The following DNHD1 variants were observed in gnomAD, a reference collection of about 807,000 sequenced individuals.
DNHD1 encodes the protein dynein heavy chain domain-containing protein 1.
Under a neutral mutation model 458.1 loss-of-function variants are expected in DNHD1, and 383 were observed. The ratio of observed to expected loss-of-function variants is 0.84; its 90% CI spans 0.77 to 0.91. The LOEUF (loss-of-function observed/expected upper bound fraction) is 0.91, where lower values mean the gene tolerates loss of function less well. DNHD1 is among the 40% of genes least tolerant of loss of function. The pLI is 0.00. For missense variants in DNHD1, 5,336 were observed against 5,866.1 expected (o/e 0.91, Z 2.95); for synonymous variants, 2,203 against 2,376.9 (o/e 0.93, Z 2.13).
At chr11:6,561,697 T>G (rs1274914553) in intron 28 of DNHD1, among the ~76,000 whole-genome samples, 1 of 152,208 alleles carries the variant, frequency 6.6e-6, no homozygotes, top group African/African-American at 2.4e-5. Context: ...ACTAACTGTA[T>G]AAACAAATGA....
chr11:6,567,171 G>T lies in DNHD1; in HGVS notation c.11662G>T (p.Ala3888Ser). 1.9e-6 allele frequency: 3 copies of T among 1,614,036 alleles called. No homozygotes were observed. Among genetic ancestry groups the T allele is most frequent in the Non-Finnish European group, 2.5e-6 (3 of 1,179,894 alleles). Residue 3888 changes from alanine to serine, a missense_variant, in exon 36 of 43, where the codon GCT becomes TCT. By Grantham distance (99) the Ala-to-Ser change is moderately conservative (BLOSUM62 1). Transcript: ENST00000254579. ...PENWLAVTKQ[A>S]LDSMKPREIN... ...GAACTGGCTGGCAGTCACTAAGCAGGCTCTGGACAGCATGAAGCCACGTGA... is the reference window on the plus strand; with the variant it reads ...GAACTGGCTGGCAGTCACTAAGCAGTCTCTGGACAGCATGAAGCCACGTGA...
In DNHD1 at chr11:6,547,961, A is replaced by T; in HGVS notation, c.6826A>T (p.Lys2276Ter). 1 of 1,551,834 alleles carries T rather than the reference A, an allele frequency of 6.4e-7. No individual in the cohort carries two copies. Among genetic ancestry groups the T allele is most frequent in the Non-Finnish European group, 8.7e-7 (1 of 1,147,024 alleles). Residue 2276 changes from lysine (K) to a stop codon, truncating the protein, a stop_gained, in exon 22 of 43, where the codon AAG (lysine) becomes TAG (stop). Coordinates refer to ENST00000254579, the MANE Select transcript of DNHD1 (RefSeq NM_144666.3). LOFTEE classifies it high-confidence loss of function. Reference protein sequence around the residue: ...SQVDSDDVPDKCREHLLAVSS... With the variant: ...SQVDSDDVPD ...GGTTGACAGTGACGATGTGCCAGATAAGTGCAGGGAACACTTGCTGGCTGT... is the reference window on the plus strand; with the variant it reads ...GGTTGACAGTGACGATGTGCCAGATTAGTGCAGGGAACACTTGCTGGCTGT...
rs1374337123 is a variant in DNHD1, at chr11:6,517,305, T to C, written c.1393-2295T>C. 2.6e-5 allele frequency among the ~76,000 whole-genome samples: 4 copies of C among 152,242 alleles called. No individual in the cohort carries two copies. In the East Asian group the frequency reaches 5.8e-4, roughly 22 times the overall value. ...AGATTCCCAGAACTTGTTCATCTTA[T>C]AACTAAAAGTTTGAACCCTTTGAAT... On this transcript the variant is annotated intron_variant, in intron 7 of 42. Coordinates refer to ENST00000254579, the MANE Select transcript of DNHD1 (RefSeq NM_144666.3).
At chr11:6,510,249 A>C (rs1028047216) in intron 6 of DNHD1, among the ~76,000 whole-genome samples, 6 of 150,776 alleles carry the variant, frequency 4.0e-5, no homozygotes. Flanking sequence ...ACACCCGGCT[A>C]ATTTTTTTTA....
intron 14 of DNHD1, among the ~76,000 whole-genome samples, chr11:6,534,877 G>A (rs920547804): frequency 1.3e-5 from 2 of 152,214 alleles, no homozygotes; most frequent in African/African-American, 4.8e-5. Flanking sequence ...CTCCTGAGTA[G>A]CTGGGACTAC....
rs1011876330 is a variant in DNHD1 at position 6,498,212 on chromosome 11, C to T, written c.-4C>T. ...TTCGACAGCAGTTGAATGCCCAGCT[C>T]CTCATGGTCCCGGAGGAGAGGAGGG... On this transcript the variant is annotated 5_prime_UTR_variant, in exon 3 of 43. Transcript: ENST00000254579. 2.5e-6 allele frequency: 4 copies of T among 1,606,416 alleles called. No individual in the cohort carries two copies. Among genetic ancestry groups the T allele is most frequent in the African/African-American group, 1.3e-5 (1 of 74,814 alleles).
chr11:6,538,383 A>G lies in DNHD1; in HGVS notation c.2999A>G (p.Glu1000Gly), dbSNP rs755098099. The change falls in exon 15 of 43, where the codon GAG becomes GGG. Residue 1000 changes from glutamate (E) to glycine (G), a missense_variant and splice_region_variant. Glu to Gly is a moderately conservative substitution (Grantham distance 98). Coordinates refer to ENST00000254579, the MANE Select transcript of DNHD1 (RefSeq NM_144666.3). ...GTCTCAAGTCAGCCCTCCCCCACAG[A>G]GGATGAGACTCCTGTGCCCTTGCCA... Reference protein sequence around the residue: ...ELHHAYAIFTEDETPVPLPIC... With the variant: ...ELHHAYAIFTGDETPVPLPIC... 6.4e-7 allele frequency: 1 copy of G among 1,551,694 alleles called. No individual in the cohort carries two copies. Among genetic ancestry groups the G allele is most frequent in the South Asian group, 1.2e-5 (1 of 84,058 alleles).
chr11:6,557,467 T>C lies in DNHD1; in HGVS notation c.8172T>C (p.Asn2724=), dbSNP rs1361210856. The change falls in exon 25 of 43, where the codon AAT becomes AAC. Residue 2724 remains asparagine, a synonymous_variant. Transcript: ENST00000254579. ...AGTGGGAGGACTTCAGCAACAGCAA[T>C]AGTGAAACAGAGGAGGAAGAGGAAC... ...LAQWEDFSNS[N]SETEEEEEPY... The C allele has an allele frequency of 2.6e-6, 4 of 1,551,548 alleles. No individual in the cohort carries two copies. The highest frequency in any genetic ancestry group is 3.5e-6 in the Non-Finnish European group (4 of 1,147,000).
chr11:6,551,849 G>GTTGATCCCTTGAGGTC (rs1853357538), intron 24 of DNHD1, among the ~76,000 whole-genome samples: 2 of 150,688 alleles, frequency 1.3e-5, no homozygotes, highest in South Asian at 2.1e-4. Flanking sequence ...GCTGAGGCAG[G>GTTGATCCCTTGAGGTC]AGAATTGCTT....
rs1370000720 is a variant in DNHD1, at chr11:6,557,678, C to G, written c.8383C>G (p.Pro2795Ala). The G allele has an allele frequency of 6.4e-7, 1 of 1,551,700 alleles. No individual in the cohort carries two copies. The highest frequency in any genetic ancestry group is 8.7e-7 in the Non-Finnish European group (1 of 1,147,002). Residue 2795 changes from proline (P) to alanine (A), a missense_variant, in exon 25 of 43, where the codon CCC (proline) becomes GCC (alanine). Transcript: ENST00000254579. Reference sequence around the variant, plus strand: ...ATTCAAGACTTGGTGGCAGAAGAAACCCCAGATGGACCTGATCTCACCCTT... The same window carrying G: ...ATTCAAGACTTGGTGGCAGAAGAAAGCCCAGATGGACCTGATCTCACCCTT... ...RSFKTWWQKK[P>A]QMDLISPLLL...
At chr11:6,520,997 G>T in intron 10 of DNHD1, 1 of 431,794 alleles carries the variant, frequency 2.3e-6, no homozygotes, top group Non-Finnish European at 3.1e-6. Context: ...AAAGGAACCT[G>T]TGTCTTTTAC....
Position 6,566,328 on chromosome 11 carries a change from C to G in DNHD1, c.11141C>G (p.Pro3714Arg). The change falls in exon 34 of 43, where the codon CCC (proline) becomes CGC (arginine). Residue 3714 changes from proline to arginine, a missense_variant. Pro to Arg is a moderately radical substitution (Grantham distance 103). This residue lies in a region of DNHD1 where 695 missense variants were observed against 804.2 expected (regional missense o/e 0.86). Transcript: ENST00000254579. The part of the protein sequence containing the change: ...WLLQREQLSP[P>R]QVQPGFCLYL... Reference sequence around the variant, plus strand: ...CTGCAACGGGAGCAGCTGAGTCCACCCCAGGTGCAGCCTGGCTTCTGTCTG... The same window carrying G: ...CTGCAACGGGAGCAGCTGAGTCCACGCCAGGTGCAGCCTGGCTTCTGTCTG... 1.3e-6 allele frequency: 2 copies of G among 1,553,270 alleles called. No homozygotes were observed. Among genetic ancestry groups the G allele is most frequent in the Non-Finnish European group, 1.7e-6 (2 of 1,147,978 alleles).
At chr11:6,532,911 G>T in intron 12 of DNHD1, 116 bp from the exon 13 acceptor site, 1 of 949,768 alleles carries the variant, frequency 1.1e-6, no homozygotes, top group Non-Finnish European at 1.6e-6. Flanking sequence ...AGCATTAAAT[G>T]AGATAATTCA....
chr11:6,545,204 T>C lies in DNHD1; in HGVS notation c.4265T>C (p.Leu1422Pro). The change falls in exon 21 of 43, where the codon CTT becomes CCT. Residue 1422 changes from leucine (L) to proline (P), a missense_variant. Physicochemically the swap from Leu to Pro is moderately conservative, Grantham distance 98 (BLOSUM62 -3). Coordinates refer to ENST00000254579, the MANE Select transcript of DNHD1 (RefSeq NM_144666.3). The surrounding 1 kb of genome is among the most constrained non-coding windows in gnomAD (Gnocchi z 4.9). The stretch of plus-strand genomic sequence containing the variant: ...AACACACAGACTCAGGTGGAGGCAC[T>C]TGCAGTGCTAGGGGCAGGTGGGGAG... The part of the protein sequence containing the change: ...SPNTQTQVEA[L>P]AVLGAGGEEV... 1 of 1,551,932 alleles carries C rather than the reference T, an allele frequency of 6.4e-7. No individual in the cohort carries two copies. Among genetic ancestry groups the C allele is most frequent in the Non-Finnish European group, 8.7e-7 (1 of 1,147,046 alleles).
At chr11:6,516,712 A>T (rs1852478063) in intron 7 of DNHD1, among the ~76,000 whole-genome samples, 1 of 152,056 alleles carries the variant, frequency 6.6e-6, no homozygotes, top group African/African-American at 2.4e-5. Flanking sequence ...ATATATCTCT[A>T]GTGCTTACTG....
At chr11:6,536,236 A>T (rs1294113712) in intron 14 of DNHD1, among the ~76,000 whole-genome samples, 1 of 152,214 alleles carries the variant, frequency 6.6e-6, no homozygotes, top group Non-Finnish European at 1.5e-5. Flanking sequence ...AAACTAAGAG[A>T]CATGACAAAT....
chr11:6,545,684 G>T lies in DNHD1; in HGVS notation c.4745G>T (p.Arg1582Leu), dbSNP rs1459874425. ...CTGCTGGTCATGGCAGTGACTCACC[G>T]GGATATAGCACAGCTGCTGGAACAG... ...SALLVMAVTH[R>L]DIAQLLEQHQ... The change falls in exon 21 of 43, where the codon CGG becomes CTG. Residue 1582 changes from arginine to leucine, a missense_variant. By Grantham distance (102) the Arg-to-Leu change is moderately radical. This residue lies in a region of DNHD1 where 3,932 missense variants were observed against 4,365.6 expected (regional missense o/e 0.90). Transcript: ENST00000254579. This position sits in a 1 kb window ranked among gnomAD's most constrained non-coding sequence, Gnocchi z 4.9. The T allele has an allele frequency of 1.3e-6, 2 of 1,551,696 alleles. No individual in the cohort carries two copies. The highest frequency in any genetic ancestry group is 2.7e-5 in the African/African-American group (2 of 73,166).
At chr11:6,551,137 T>A (rs1319888064) in intron 24 of DNHD1, among the ~76,000 whole-genome samples, 2 of 152,210 alleles carry the variant, frequency 1.3e-5, no homozygotes, top group African/African-American at 4.8e-5. Context: ...AGGATTAACA[T>A]TTTAAATAAT....
chr11:6,531,883 A>G (rs910967624), intron 12 of DNHD1, among the ~76,000 whole-genome samples: 3 of 152,130 alleles, frequency 2.0e-5, no homozygotes, highest in African/African-American at 7.2e-5. Flanking sequence ...ATAAACATAT[A>G]TTTTTATGTT....
Sources: allele counts gnomAD v4.1 joint callset (sites outside exome capture counted in the v4.1 genomes callset), GRCh38; gene constraint gnomAD v4.1.1; regional missense constraint gnomAD v4.1.1; non-coding constraint Gnocchi (gnomAD v3.1); transcripts MANE v1.5; gene names NCBI Gene and HGNC (gene_info 2026-07-23, HGNC 2026-07-21).